The following GNA12 variants were observed in gnomAD, a reference collection of about 807,000 sequenced individuals.
The protein encoded by GNA12 is guanine nucleotide-binding protein subunit alpha-12.
In GNA12, 9 loss-of-function variants were observed where a neutral mutation model predicts 26.0. That is an observed-to-expected ratio of 0.35 (90% CI 0.21 to 0.60). The LOEUF (loss-of-function observed/expected upper bound fraction) is 0.60. Ranked by LOEUF, GNA12 falls within the 20% of genes least tolerant of loss-of-function variation. The probability of loss-of-function intolerance (pLI) is 0.78; values close to 1 mark genes in which losing one functional copy is unlikely to be tolerated. For missense variants in GNA12, 405 were observed against 525.8 expected (o/e 0.77, Z 2.25); for synonymous variants, 264 against 219.6 (o/e 1.20, Z -1.79).
At chr7:2,768,677 C>CAAAAAAAAAAAAAAAAAAAAAAAAAAA (rs1791871309) in intron 2 of GNA12, among the ~76,000 whole-genome samples, 1 of 78,022 alleles carries the variant, frequency 1.3e-5, no homozygotes, top group Admixed American at 1.4e-4. Flanking sequence ...AAAAAAAAAA[C>CAAAAAAAAAAAAAAAAAAAAAAAAAAA]AAAACAAAAC....
intron 2 of GNA12, chr7:2,762,101 A>C (rs79163087): frequency 0.012 from 1,792 of 152,796 alleles, 41 homozygotes; most frequent in African/African-American, 0.041. Context: ...AAAAAAGCGA[A>C]AGCGGCAGAG....
At chr7:2,747,570 A>G (rs1790827401) in intron 2 of GNA12, among the ~76,000 whole-genome samples, 1 of 152,192 alleles carries the variant, frequency 6.6e-6, no homozygotes, top group South Asian at 2.1e-4. Flanking sequence ...TATCATACTG[A>G]ATGGGCAAAA....
At chr7:2,839,026 T>C (rs763391104) in intron 1 of GNA12, among the ~76,000 whole-genome samples, 13 of 152,236 alleles carry the variant, frequency 8.5e-5, no homozygotes, top group South Asian at 2.1e-4. Flanking sequence ...ATCTGACACA[T>C]GTAGAACATT....
chr7:2,816,925 C>A (rs957861101), intron 1 of GNA12, among the ~76,000 whole-genome samples: 4 of 152,212 alleles, frequency 2.6e-5, no homozygotes, highest in African/African-American at 9.6e-5. Context: ...TCAAGTCAGT[C>A]TGGGTCTCTG....
intron 1 of GNA12, among the ~76,000 whole-genome samples, chr7:2,804,960 C>T (rs1364412740): frequency 6.6e-5 from 10 of 151,894 alleles, no homozygotes; most frequent in Non-Finnish European, 1.5e-4. Context: ...TTTAGAAAGG[C>T]TGCTTTTGAT....
intron 2 of GNA12, among the ~76,000 whole-genome samples, chr7:2,739,125 T>A (rs1790369482): frequency 6.6e-6 from 1 of 152,230 alleles, no homozygotes; most frequent in African/African-American, 2.4e-5. Flanking sequence ...GCCGGGCCCC[T>A]AAAGCACCAG....
chr7:2,731,438 T>G lies in GNA12; in HGVS notation c.889A>C (p.Lys297Gln). The G allele has an allele frequency of 6.2e-7, 1 of 1,613,670 alleles. No individual in the cohort carries two copies. Among genetic ancestry groups the G allele is most frequent in the Non-Finnish European group, 8.5e-7 (1 of 1,179,736 alleles). The part of the protein sequence containing the change: ...FNVSIILFLN[K>Q]MDLLVEKVKT... ...ACCTTCTCCACCAGGAGGTCCATCT[T>G]GTTGAGGAAGAGAATGATGGAGACG... Residue 297 changes from lysine (K) to glutamine (Q), a missense_variant, in exon 4 of 4, where the codon AAG (lysine) becomes CAG (glutamine). Coordinates refer to ENST00000275364, the MANE Select transcript of GNA12 (RefSeq NM_007353.3). This position sits in a 1 kb window ranked among gnomAD's most constrained non-coding sequence, Gnocchi z 6.0.
Position 2,795,051 on chromosome 7 carries a change from G to A in GNA12, c.402C>T (p.Phe134=), listed in dbSNP as rs746845598. ...CCACAGGCAGCCCCGCCTTGTTCTC[G>A]AAGGCCATCAGGAACATCCCATGCT... is the stretch of plus-strand genomic sequence containing the variant. ...NEKHGMFLMA[F]ENKAGLPVEP... is the part of the protein sequence containing the mutation. Residue 134 remains phenylalanine, a synonymous_variant, in exon 2 of 4, where the codon TTC becomes TTT. Coordinates refer to ENST00000275364, the MANE Select transcript of GNA12 (RefSeq NM_007353.3). 4 of 1,613,884 alleles carry A rather than the reference G, an allele frequency of 2.5e-6. No homozygotes were observed. Among genetic ancestry groups the A allele is most frequent in the South Asian group, 2.2e-5 (2 of 91,084 alleles).
At chr7:2,786,142 T>G (rs998746610) in intron 2 of GNA12, among the ~76,000 whole-genome samples, 1 of 152,174 alleles carries the variant, frequency 6.6e-6, no homozygotes, top group African/African-American at 2.4e-5. Context: ...GACTGTGGTG[T>G]TACACATGTA....
chr7:2,828,985 A>T (rs1048061806), intron 1 of GNA12, among the ~76,000 whole-genome samples: 1 of 151,942 alleles, frequency 6.6e-6, no homozygotes, highest in Non-Finnish European at 1.5e-5. Context: ...AGGTGAGAGG[A>T]TGGCTTGGGC....
intron 2 of GNA12, among the ~76,000 whole-genome samples, chr7:2,775,893 C>T (rs1792064308): frequency 6.6e-6 from 1 of 152,192 alleles, no homozygotes; most frequent in African/African-American, 2.4e-5. Flanking sequence ...GGCCCAGACC[C>T]GTACTGTGGA....
chr7:2,800,438 CCA>C (rs977370308), intron 1 of GNA12, among the ~76,000 whole-genome samples: 1 of 152,168 alleles, frequency 6.6e-6, no homozygotes, highest in Non-Finnish European at 1.5e-5. Context: ...GGGCGCACAA[CCA>C]CACACAGTGT....
chr7:2,735,894 G>A (rs1790147581), intron 2 of GNA12, among the ~76,000 whole-genome samples: 1 of 152,120 alleles, frequency 6.6e-6, no homozygotes, highest in South Asian at 2.1e-4. Context: ...GGGCTGGAGG[G>A]GAGGGAAGAA....
chr7:2,829,849 T>G (rs138294261), intron 1 of GNA12, among the ~76,000 whole-genome samples: 3 of 152,196 alleles, frequency 2.0e-5, no homozygotes, highest in Non-Finnish European at 4.4e-5. Context: ...TCTACCTGGT[T>G]TGTCTTCTTG....
chr7:2,841,561 C>A (rs1778988725), intron 1 of GNA12, among the ~76,000 whole-genome samples: 1 of 151,090 alleles, frequency 6.6e-6, no homozygotes, highest in South Asian at 2.1e-4. Context: ...CTGACCAGAG[C>A]TCTGACGCAC....
chr7:2,828,141 A>G (rs569011944), intron 1 of GNA12, among the ~76,000 whole-genome samples: 8 of 152,356 alleles, frequency 5.3e-5, no homozygotes, highest in African/African-American at 7.2e-5. Context: ...AAAATATTCA[A>G]GATTACAAAA....
chr7:2,820,622 G>GT (rs1322438878), intron 1 of GNA12, among the ~76,000 whole-genome samples: 1 of 152,252 alleles, frequency 6.6e-6, no homozygotes, highest in East Asian at 1.9e-4. Flanking sequence ...GACACACAGT[G>GT]TGGCAGCTGC....
At chr7:2,821,168 G>C (rs146128658) in intron 1 of GNA12, among the ~76,000 whole-genome samples, 1 of 152,302 alleles carries the variant, frequency 6.6e-6, no homozygotes, top group African/African-American at 2.4e-5. Flanking sequence ...CTTGGCTTAA[G>C]AATTTTTGTG....
chr7:2,831,368 C>T (rs1361197843), intron 1 of GNA12, among the ~76,000 whole-genome samples: 9 of 151,972 alleles, frequency 5.9e-5, no homozygotes, highest in East Asian at 5.8e-4. Context: ...CAGTTCCTCT[C>T]CCCACCCTAA....
Sources: gnomAD v4.1 joint callset for allele counts (sites outside exome capture counted in the v4.1 genomes callset) on GRCh38, gnomAD v4.1.1 for gene constraint, Gnocchi (gnomAD v3.1) non-coding constraint, MANE v1.5 for transcripts, NCBI Gene and HGNC (gene_info 2026-07-23, HGNC 2026-07-21) for gene names.